RDH13: variants seen among roughly 807,000 people sequenced by gnomAD.
RDH13 encodes retinol dehydrogenase 13, also known as retinol dehydrogenase 13 (all-trans and 9-cis).
Under a neutral mutation model 28.3 loss-of-function variants are expected in RDH13, and 35 were observed. That is an observed-to-expected ratio of 1.24 (90% CI 0.95 to 1.64). The LOEUF (loss-of-function observed/expected upper bound fraction) is 1.64. Among genes scored for constraint, RDH13 ranks in the 40% most tolerant of loss-of-function variants. The pLI is 0.00. For synonymous variants in RDH13, 229 were observed against 198.5 expected (o/e 1.15, Z -1.29); for missense variants, 514 against 446.3 (o/e 1.15, Z -1.37).
rs147245900 is a variant in RDH13 at position 55,062,844 on chromosome 19, G to A, written c.65+124C>T. Reference sequence around the variant, plus strand: ...CGCAGGTTTGCCCCACTCCGGGCGGGCACTGCGGGTCGGGAGCTACGGGGC... The same window carrying A: ...CGCAGGTTTGCCCCACTCCGGGCGGACACTGCGGGTCGGGAGCTACGGGGC... On this transcript the variant is annotated intron_variant, in intron 1 of 6. Coordinates refer to ENST00000415061, the MANE Select transcript of RDH13 (RefSeq NM_001145971.2). 1.7e-4 allele frequency: 140 copies of A among 827,568 alleles called. 1 individual carries two copies. In the East Asian group the frequency reaches 4.6e-3, roughly 27 times the overall value. The allele number at this position is 827,568 out of a possible 1,614,324, so 51.3% of individuals were successfully genotyped here.
chr19:55,047,943 A>G (rs1456199587), intron 5 of RDH13: 11 of 817,762 alleles, frequency 1.3e-5, no homozygotes, highest in Non-Finnish European at 1.8e-5. Context: ...CTGGGCCTTT[A>G]CCCTCCAGAT....
At position 55,045,077 on chromosome 19, in the gene RDH13, T is replaced by C; in HGVS notation, c.993A>G (p.Arg331=). The C allele has an allele frequency of 3.8e-6, 6 of 1,596,402 alleles. No homozygotes were observed. The highest frequency in any genetic ancestry group is 3.4e-5 in the South Asian group (3 of 89,272). ...GCTTTCAAATCTGCTCCAGAGGTTA[T>C]CTGGGGAGGGGCTGCTCCCTCACAG... ...APSVREQPLP[R] Residue 331 remains arginine (R), a synonymous_variant, in exon 7 of 7, where the codon AGA becomes AGG. Transcript: ENST00000415061.
Position 55,047,755 on chromosome 19 carries a change from C to T in RDH13, c.659-267G>A, listed in dbSNP as rs750560046. Among the ~76,000 whole-genome samples, 124 of 152,286 alleles carry T rather than the reference C, an allele frequency of 8.1e-4. 2 individuals carry two copies. The highest frequency in any genetic ancestry group is 1.0e-3 in the South Asian group (5 of 4,830). ...CCCGGGAGCCTGCATCGGTGCGTGG[C>T]GGTGGGACCTAAGATACTGTAACTC... On this transcript the variant is annotated intron_variant, in intron 5 of 6. Transcript: ENST00000415061.
chr19:55,057,435 CTT>C (rs35843215), intron 2 of RDH13, among the ~76,000 whole-genome samples: 9 of 136,908 alleles, frequency 6.6e-5, no homozygotes, highest in Admixed American at 1.5e-4. Context: ...CCATCCTCTC[CTT>C]TTTTTTTTTT....
intron 3 of RDH13, chr19:55,053,870 AGTGTG>A (rs1213275112): frequency 4.6e-5 from 7 of 152,312 alleles, no homozygotes; most frequent in Admixed American, 2.0e-4. Context: ...TGCCTGGGAC[AGTGTG>A]CATGAAGGTG....
intron 3 of RDH13, among the ~76,000 whole-genome samples, chr19:55,049,958 CTG>C (rs2075373921): frequency 1.4e-5 from 2 of 143,600 alleles, no homozygotes; most frequent in Non-Finnish European, 3.0e-5. Context: ...CCCTTTGGAG[CTG>C]TCTCTTTTTT....
chr19:55,063,318 T>C (rs546268939), upstream of RDH13: 25 of 374,498 alleles, frequency 6.7e-5, no homozygotes, highest in Non-Finnish European at 1.1e-4. Context: ...GCGGGGCCTA[T>C]GGTTTGTTCG....
Position 55,062,871 on chromosome 19 carries a change from T to C in RDH13, c.65+97A>G. On this transcript the variant is annotated intron_variant, in intron 1 of 6. Transcript: ENST00000415061. ...ACTGCGGGTCGGGAGCTACGGGGCC[T>C]GGACCCGGGTGCGAGGGGCGGGGGT... The C allele has an allele frequency of 2.7e-6, 3 of 1,108,938 alleles. No homozygotes were observed. In the South Asian group the frequency reaches 6.1e-5, roughly 23 times the overall value. The allele number at this position is 1,108,938 out of a possible 1,614,324, so 68.7% of individuals were successfully genotyped here.
intron 3 of RDH13, among the ~76,000 whole-genome samples, 183 bp downstream of exon 3, chr19:55,056,470 T>TA (rs1555825320): frequency 2.0e-5 from 3 of 151,584 alleles, no homozygotes; most frequent in African/African-American, 4.8e-5. Flanking sequence ...ATAACAGTAG[T>TA]AATAAATAAA....
chr19:55,040,482 G>A (rs574020185), downstream of RDH13: 4 of 152,326 alleles, frequency 2.6e-5, no homozygotes, highest in South Asian at 8.3e-4. Flanking sequence ...CTTACAGGTG[G>A]TTAAAATGAG....
chr19:55,060,864 G>C (rs1886846666), intron 1 of RDH13, among the ~76,000 whole-genome samples: 1 of 150,968 alleles, frequency 6.6e-6, no homozygotes. Flanking sequence ...CGCTGCACGA[G>C]ATTCCCAAGG....
chr19:55,048,526 G>C lies in RDH13; in HGVS notation c.461C>G (p.Thr154Arg), dbSNP rs371100321. ...GVNHLGHFLL[T>R]NLLLDKLKAS... is the part of the protein sequence containing the mutation. ...TTTCAGCTTGTCCAGCAGCAAGTTT[G>C]TCAAGAGAAAGTGACCTGGATTAAG... The change falls in exon 5 of 7, where the codon ACA becomes AGA. Residue 154 changes from threonine (T) to arginine (R), a missense_variant. Transcript: ENST00000415061. 1 of 1,614,198 alleles carries C rather than the reference G, an allele frequency of 6.2e-7. No homozygotes were observed. The highest frequency in any genetic ancestry group is 8.5e-7 in the Non-Finnish European group (1 of 1,180,040).
At chr19:55,066,228 C>G (rs1018944257), upstream of RDH13, among the ~76,000 whole-genome samples, 1 of 152,180 alleles carries the variant, frequency 6.6e-6, no homozygotes, top group Non-Finnish European at 1.5e-5. Context: ...GCTGTCCACG[C>G]CTTTACCATT....
Position 55,044,713 on chromosome 19 carries a change from G to A in RDH13, c.*361C>T, listed in dbSNP as rs1024531264. 7.3e-5 allele frequency: 20 copies of A among 275,594 alleles called. No homozygotes were observed. The Admixed American group carries it at 1.1e-3, about 15-fold the overall frequency. The allele number at this position is 275,594 out of a possible 1,614,324, so 17.1% of individuals were successfully genotyped here. ...ACCAAGTGTCAGACAACTTGCCCAT[G>A]CTCTTCACGGAGCACCTTGGAACCC... is the stretch of plus-strand genomic sequence containing the variant. On this transcript the variant is annotated 3_prime_UTR_variant, in exon 7 of 7. Transcript: ENST00000415061.
intron 3 of RDH13, among the ~76,000 whole-genome samples, chr19:55,056,006 T>A (rs1386365452): frequency 1.3e-5 from 2 of 148,674 alleles, no homozygotes; most frequent in Non-Finnish European, 3.0e-5. Context: ...CACAAAAAAT[T>A]AGCCAGGCAC....
At chr19:55,053,689 G>C (rs1394012574) in intron 3 of RDH13, 2 of 150,252 alleles carry the variant, frequency 1.3e-5, no homozygotes. Context: ...GAGAATCCCA[G>C]AAAATAGAAG....
chr19:55,048,452 C>T lies in RDH13; in HGVS notation c.535G>A (p.Ala179Thr). 2 of 1,614,202 alleles carry T rather than the reference C, an allele frequency of 1.2e-6. No individual in the cohort carries two copies. Among genetic ancestry groups the T allele is most frequent in the Non-Finnish European group, 1.7e-6 (2 of 1,180,036 alleles). The change falls in exon 5 of 7, where the codon GCT (alanine) becomes ACT (threonine). Residue 179 changes from alanine (A) to threonine (T), a missense_variant. By Grantham distance (58) the Ala-to-Thr change is moderately conservative. Transcript: ENST00000415061. ...IINLSSLAHV[A>T]GHIDFDDLNW... ...AAGTCGTCAAAGTCTATGTGCCCAG[C>T]AACATGGGCCAGGGACGAGAGGTTG...
chr19:55,054,626 T>A (rs1405298154), intron 3 of RDH13, among the ~76,000 whole-genome samples: 1 of 152,098 alleles, frequency 6.6e-6, no homozygotes, highest in Non-Finnish European at 1.5e-5. Flanking sequence ...TAGAGTGCAG[T>A]GGCACAAATA....
chr19:55,039,974 C>CG (rs1733423738), downstream of RDH13, among the ~76,000 whole-genome samples: 1 of 152,134 alleles, frequency 6.6e-6, no homozygotes, highest in African/African-American at 2.4e-5. Context: ...TCTGAGGTAT[C>CG]GAGAGGAGTC....
Sources: allele counts gnomAD v4.1 joint callset (sites outside exome capture counted in the v4.1 genomes callset), GRCh38; gene constraint gnomAD v4.1.1; transcripts MANE v1.5; gene names NCBI Gene and HGNC (gene_info 2026-07-23, HGNC 2026-07-21).